The following MET variants were observed in gnomAD, a reference collection of about 807,000 sequenced individuals.
The protein encoded by MET is MET proto-oncogene, receptor tyrosine kinase, also known as hepatocyte growth factor receptor.
In MET, 48 loss-of-function variants were observed where a neutral mutation model predicts 133.1. The ratio of observed to expected loss-of-function variants is 0.36; its 90% CI spans 0.29 to 0.46. The LOEUF is 0.46. Ranked by LOEUF, MET falls within the 20% of genes least tolerant of loss-of-function variation. MET has a pLI of 1.00. For missense variants in MET, 1,442 were observed against 1,695.9 expected (o/e 0.85, Z 2.63); for synonymous variants, 628 against 616.5 (o/e 1.02, Z -0.28).
At chr7:116,793,890 C>A (rs941382732) in intron 19 of MET, among the ~76,000 whole-genome samples, 15 of 152,016 alleles carry the variant, frequency 9.9e-5, no homozygotes, top group African/African-American at 3.6e-4. Context: ...AAGAGCGAAA[C>A]TCCATCTCAA....
chr7:116,754,484 A>G (rs1395775084), intron 5 of MET, among the ~76,000 whole-genome samples: 2 of 151,874 alleles, frequency 1.3e-5, no homozygotes, highest in African/African-American at 4.8e-5. Flanking sequence ...ACGTGTTTCT[A>G]CTCCTACCCT....
At chr7:116,776,722 G>A (rs1314254870) in intron 15 of MET, among the ~76,000 whole-genome samples, 2 of 152,168 alleles carry the variant, frequency 1.3e-5, no homozygotes, top group African/African-American at 4.8e-5. Flanking sequence ...CAGACATTTG[G>A]CACCTCTGGG....
intron 1 of MET, among the ~76,000 whole-genome samples, chr7:116,697,747 G>C (rs1044841579): frequency 2.6e-5 from 4 of 152,138 alleles, no homozygotes; most frequent in Non-Finnish European, 5.9e-5. Flanking sequence ...TGGTGAACTT[G>C]TCTCTATTGC....
chr7:116,768,393 G>T (rs980201638), intron 11 of MET, among the ~76,000 whole-genome samples: 1 of 152,042 alleles, frequency 6.6e-6, no homozygotes, highest in African/African-American at 2.4e-5. Context: ...ACAAGTTGTC[G>T]TTTGAAGCCC....
chr7:116,762,044 C>T (rs1191288875), intron 10 of MET, among the ~76,000 whole-genome samples: 1 of 151,922 alleles, frequency 6.6e-6, no homozygotes, highest in African/African-American at 2.4e-5. Flanking sequence ...TTAGATGTAC[C>T]ACTATGTGTT....
chr7:116,779,051 A>C (rs1363459579), intron 17 of MET, 94 bp downstream of exon 17: 17 of 1,237,262 alleles, frequency 1.4e-5, no homozygotes, highest in Non-Finnish European at 1.9e-5. Context: ...AAAAGCTAGT[A>C]GCCAAAGATG....
At chr7:116,781,889 A>G in intron 17 of MET, 99 bp from the exon 18 acceptor site, 1 of 845,074 alleles carries the variant, frequency 1.2e-6, no homozygotes, top group Non-Finnish European at 1.9e-6. Context: ...AATTTTTGAG[A>G]CAAGATAATT....
chr7:116,768,977 G>A (rs546962531), intron 11 of MET, among the ~76,000 whole-genome samples: 4 of 152,150 alleles, frequency 2.6e-5, no homozygotes, highest in Admixed American at 6.5e-5. Context: ...CAAAATAATG[G>A]AATTGTGCTC....
In MET at chr7:116,772,004, A is replaced by G. The variant is rs1372459548; in HGVS notation, c.3028+15A>G. ...TTTTCCAGAAGGTATATTTCAGTTTATTGTTCTGAGAAATACCTATACATA... is the reference window on the plus strand; with the variant it reads ...TTTTCCAGAAGGTATATTTCAGTTTGTTGTTCTGAGAAATACCTATACATA... On this transcript the variant is annotated intron_variant, in intron 14 of 20. Coordinates refer to ENST00000397752, the MANE Select transcript of MET (RefSeq NM_000245.4). 6.8e-6 allele frequency: 11 copies of G among 1,613,198 alleles called. No homozygotes were observed. Among genetic ancestry groups the G allele is most frequent in the African/African-American group, 1.3e-5 (1 of 74,902 alleles).
chr7:116,708,849 A>G (rs906538432), intron 2 of MET, among the ~76,000 whole-genome samples: 1 of 152,166 alleles, frequency 6.6e-6, no homozygotes, highest in Non-Finnish European at 1.5e-5. Context: ...TCCTTTTACC[A>G]ATAAGTTTTA....
chr7:116,710,172 T>C (rs1432854351), intron 2 of MET, among the ~76,000 whole-genome samples: 2 of 152,184 alleles, frequency 1.3e-5, no homozygotes, highest in African/African-American at 4.8e-5. Flanking sequence ...AGAACTGTTA[T>C]AGGAAAGGTA....
At chr7:116,730,849 A>G (rs1427996719) in intron 2 of MET, among the ~76,000 whole-genome samples, 1 of 152,088 alleles carries the variant, frequency 6.6e-6, no homozygotes, top group Non-Finnish European at 1.5e-5. Context: ...GTGAATGGAG[A>G]TACTTGAGTG....
chr7:116,742,152 G>A (rs1449267886), intron 5 of MET, among the ~76,000 whole-genome samples: 2 of 152,162 alleles, frequency 1.3e-5, no homozygotes, highest in Non-Finnish European at 2.9e-5. Flanking sequence ...AACAAAATGT[G>A]CGAGTCAGAA....
At chr7:116,696,422 T>C (rs1796968485) in intron 1 of MET, among the ~76,000 whole-genome samples, 1 of 152,192 alleles carries the variant, frequency 6.6e-6, no homozygotes. Context: ...TGTCTTCCCT[T>C]TGATAAACAT....
chr7:116,692,651 T>C (rs1796814203), intron 1 of MET, among the ~76,000 whole-genome samples: 1 of 152,240 alleles, frequency 6.6e-6, no homozygotes, highest in African/African-American at 2.4e-5. Context: ...CTGGTATTTG[T>C]AACTATTAAT....
At chr7:116,783,568 C>A in intron 19 of MET, 99 bp downstream of exon 19, 1 of 1,197,006 alleles carries the variant, frequency 8.4e-7, no homozygotes, top group Non-Finnish European at 1.2e-6. Context: ...AAATTCAACA[C>A]CACCAATTCC....
At chr7:116,708,331 A>G (rs1791874576) in intron 2 of MET, among the ~76,000 whole-genome samples, 2 of 152,174 alleles carry the variant, frequency 1.3e-5, no homozygotes, top group Non-Finnish European at 2.9e-5. Context: ...ACACAGGCAA[A>G]TATATAAACT....
chr7:116,731,226 C>T (rs868280487), intron 2 of MET, among the ~76,000 whole-genome samples: 1 of 152,170 alleles, frequency 6.6e-6, no homozygotes, highest in Non-Finnish European at 1.5e-5. Context: ...CACTCCCTAC[C>T]ATCTCTCTGC....
At chr7:116,777,145 C>T (rs1382714094) in intron 15 of MET, among the ~76,000 whole-genome samples, 1 of 152,168 alleles carries the variant, frequency 6.6e-6, no homozygotes, top group Non-Finnish European at 1.5e-5. Context: ...ATATCATCTA[C>T]AACTTATTCA....
Sources: allele counts gnomAD v4.1 joint callset (sites outside exome capture counted in the v4.1 genomes callset), GRCh38; gene constraint gnomAD v4.1.1; transcripts MANE v1.5; gene names NCBI Gene and HGNC (gene_info 2026-07-23, HGNC 2026-07-21).